The following ANKRD44 variants were observed in gnomAD, a reference collection of about 807,000 sequenced individuals.
ANKRD44 encodes serine/threonine-protein phosphatase 6 regulatory ankyrin repeat subunit B.
In ANKRD44, 35 loss-of-function variants were observed where a neutral mutation model predicts 116.0. The observed-to-expected ratio is 0.30, with a 90% CI of 0.23 to 0.40. The LOEUF is 0.40. ANKRD44 is among the 10% of genes least tolerant of loss of function. The pLI is 1.00. For missense variants in ANKRD44, 1,014 were observed against 1,242.6 expected, an observed-to-expected ratio of 0.82 and a Z score of 2.77; for synonymous variants, 435 against 461.8, an observed-to-expected ratio of 0.94 and a Z score of 0.74.
chr2:197,202,435 A>G (rs555829359), intron 1 of ANKRD44, among the ~76,000 whole-genome samples: 2 of 152,088 alleles, frequency 1.3e-5, no homozygotes, highest in African/African-American at 4.8e-5. Flanking sequence ...GGGGTGGTCT[A>G]GGTGACTATA....
At chr2:197,220,776 C>A (rs2081567276) in intron 1 of ANKRD44, among the ~76,000 whole-genome samples, 1 of 152,138 alleles carries the variant, frequency 6.6e-6, no homozygotes, top group Non-Finnish European at 1.5e-5. Context: ...CATTTAACAG[C>A]CTTTATTAAA....
intron 1 of ANKRD44, among the ~76,000 whole-genome samples, chr2:197,249,995 T>A (rs1191415150): frequency 2.6e-5 from 4 of 152,240 alleles, no homozygotes; most frequent in African/African-American, 9.6e-5. Context: ...GACAGTCTTA[T>A]CAGGCAGGGT....
At chr2:197,002,626 C>T (rs1025230672) in intron 21 of ANKRD44, among the ~76,000 whole-genome samples, 5 of 152,162 alleles carry the variant, frequency 3.3e-5, no homozygotes, top group African/African-American at 7.2e-5. Context: ...TGGTTTGTGA[C>T]GTTCTATACA....
At chr2:197,084,592 TA>T (rs1470218232) in intron 13 of ANKRD44, among the ~76,000 whole-genome samples, 1 of 152,158 alleles carries the variant, frequency 6.6e-6, no homozygotes, top group Non-Finnish European at 1.5e-5. Flanking sequence ...CAAGCTGGCC[TA>T]AATCACATCC....
chr2:197,287,944 C>A (rs560127931), intron 1 of ANKRD44, among the ~76,000 whole-genome samples: 1 of 142,734 alleles, frequency 7.0e-6, no homozygotes, highest in African/African-American at 2.6e-5. Context: ...CACTTGAACC[C>A]GGGAGGCAGA....
At chr2:196,978,973 A>G (rs1004457155) in intron 21 of ANKRD44, among the ~76,000 whole-genome samples, 10 of 151,948 alleles carry the variant, frequency 6.6e-5, no homozygotes, top group Non-Finnish European at 1.5e-5. Context: ...AAATAGATAT[A>G]GCATAGTCGT....
At chr2:197,013,302 T>C (rs1198716928) in intron 18 of ANKRD44, among the ~76,000 whole-genome samples, 1 of 152,220 alleles carries the variant, frequency 6.6e-6, no homozygotes, top group Non-Finnish European at 1.5e-5. Flanking sequence ...TCTTTTGAGT[T>C]AACAAGGCCA....
intron 3 of ANKRD44, among the ~76,000 whole-genome samples, chr2:197,142,364 A>G (rs2079388062): frequency 6.6e-6 from 1 of 152,228 alleles, no homozygotes; most frequent in Non-Finnish European, 1.5e-5. Context: ...TAACTTATCT[A>G]AAGTTTGGCT....
At chr2:197,275,681 C>T (rs899085069) in intron 1 of ANKRD44, among the ~76,000 whole-genome samples, 11 of 151,832 alleles carry the variant, frequency 7.2e-5, no homozygotes, top group African/African-American at 2.7e-4. Flanking sequence ...ACTGCCCCTA[C>T]AGGCTTTGGA....
rs553207438 is a variant in ANKRD44 at position 197,214,110 on chromosome 2, T to C, written c.28-27004A>G. Among the ~76,000 whole-genome samples the C allele has an allele frequency of 2.8e-4, 42 of 152,264 alleles. No individual in the cohort carries two copies. The South Asian group carries it at 8.3e-3, about 30-fold the overall frequency. On this transcript the variant is annotated intron_variant, in intron 1 of 27. Coordinates refer to ENST00000282272, the MANE Select transcript of ANKRD44 (RefSeq NM_001195144.2). The stretch of plus-strand genomic sequence containing the variant: ...ATTTTCATATTCTTTACCCCCATAA[T>C]TTTTGTGGGAAATTACTATAAGGAA...
intron 2 of ANKRD44, among the ~76,000 whole-genome samples, chr2:197,148,269 C>G (rs931483282): frequency 1.3e-5 from 2 of 152,058 alleles, no homozygotes; most frequent in Non-Finnish European, 2.9e-5. Flanking sequence ...AGTAAAGAAC[C>G]GGCCTCACTC....
intron 7 of ANKRD44, among the ~76,000 whole-genome samples, chr2:197,121,819 T>A (rs1176440778): frequency 6.6e-6 from 1 of 152,012 alleles, no homozygotes; most frequent in Non-Finnish European, 1.5e-5. Flanking sequence ...GAATAAAAGG[T>A]GAAGGGCAAA....
intron 1 of ANKRD44, among the ~76,000 whole-genome samples, chr2:197,277,756 C>A (rs1374713520): frequency 2.0e-5 from 3 of 152,134 alleles, no homozygotes; most frequent in African/African-American, 7.3e-5. Flanking sequence ...GAATTTCTAT[C>A]CAAAGCTTCA....
At chr2:197,170,605 A>G (rs917368181) in intron 2 of ANKRD44, among the ~76,000 whole-genome samples, 1 of 152,234 alleles carries the variant, frequency 6.6e-6, no homozygotes, top group Non-Finnish European at 1.5e-5. Context: ...TTGAAAATAA[A>G]TGCTTAATGC....
intron 1 of ANKRD44, among the ~76,000 whole-genome samples, chr2:197,214,926 A>G (rs947655329): frequency 2.0e-5 from 3 of 152,112 alleles, no homozygotes; most frequent in Admixed American, 6.5e-5. Flanking sequence ...CACCCAGGCT[A>G]GAATGCAGTG....
chr2:197,000,268 A>T (rs1380506247), intron 23 of ANKRD44, 151 bp downstream of exon 23: 2 of 631,774 alleles, frequency 3.2e-6, no homozygotes, highest in Non-Finnish European at 5.4e-6. Flanking sequence ...TTAGAGGGAA[A>T]TTTATTTTAA....
chr2:197,275,428 C>CAAAAAAAA (rs527811437), intron 1 of ANKRD44, among the ~76,000 whole-genome samples: 1 of 97,284 alleles, frequency 1.0e-5, no homozygotes, highest in African/African-American at 3.8e-5. Flanking sequence ...CCAGTCTCTT[C>CAAAAAAAA]AAAAAAAAAA....
intron 1 of ANKRD44, among the ~76,000 whole-genome samples, chr2:197,208,937 C>A (rs1037487811): frequency 6.6e-6 from 1 of 152,192 alleles, no homozygotes; most frequent in African/African-American, 2.4e-5. Context: ...TATTTGTCTG[C>A]CTCTCTCAGA....
chr2:197,222,421 T>C (rs996890663), intron 1 of ANKRD44, among the ~76,000 whole-genome samples: 4 of 152,240 alleles, frequency 2.6e-5, no homozygotes, highest in Non-Finnish European at 5.9e-5. Flanking sequence ...GGAAGTTTTA[T>C]TTAAGCCTTC....
Sources: allele counts gnomAD v4.1 joint callset (sites outside exome capture counted in the v4.1 genomes callset), GRCh38; gene constraint gnomAD v4.1.1; transcripts MANE v1.5; gene names NCBI Gene and HGNC (gene_info 2026-07-23, HGNC 2026-07-21).